The following BNC2 variants were observed in gnomAD, a reference collection of about 807,000 sequenced individuals.
BNC2 encodes zinc finger protein basonuclin-2.
BNC2 carries 20 observed loss-of-function variants against 76.3 expected under a neutral mutation model. The ratio of observed to expected loss-of-function variants is 0.26; its 90% CI spans 0.18 to 0.38. BNC2 has a LOEUF of 0.38. BNC2 is among the 10% of genes least tolerant of loss of function. The pLI, the probability that BNC2 is intolerant of heterozygous loss-of-function variation, is 1.00. For synonymous variants in BNC2, 582 were observed against 514.8 expected, an observed-to-expected ratio of 1.13 and a Z score of -1.77; for missense variants, 1,382 against 1,399.8, an observed-to-expected ratio of 0.99 and a Z score of 0.20.
chr9:16,863,841 T>C (rs550001360), intron 1 of BNC2, among the ~76,000 whole-genome samples: 1 of 152,290 alleles, frequency 6.6e-6, no homozygotes, highest in South Asian at 2.1e-4. Flanking sequence ...CCAAAAGAGT[T>C]TGGAAAACTG....
chr9:16,772,106 C>G (rs1422489193), intron 1 of BNC2, among the ~76,000 whole-genome samples: 1 of 152,124 alleles, frequency 6.6e-6, no homozygotes, highest in African/African-American at 2.4e-5. Flanking sequence ...ACAGGTTTTT[C>G]CTTTATTTCT....
intron 5 of BNC2, among the ~76,000 whole-genome samples, chr9:16,551,205 C>T (rs1818652111): frequency 6.6e-6 from 1 of 152,192 alleles, no homozygotes; most frequent in African/African-American, 2.4e-5. Context: ...GCCAAATTTT[C>T]TGTGTCTTCC....
At chr9:16,609,199 A>G (rs182179356) in intron 3 of BNC2, among the ~76,000 whole-genome samples, 84 of 152,336 alleles carry the variant, frequency 5.5e-4, no homozygotes, top group African/African-American at 1.8e-3. Flanking sequence ...CAAAAGTCTC[A>G]GACATGAAAT....
At chr9:16,669,171 T>G (rs1822394212) in intron 3 of BNC2, among the ~76,000 whole-genome samples, 1 of 152,224 alleles carries the variant, frequency 6.6e-6, no homozygotes, top group Non-Finnish European at 1.5e-5. Flanking sequence ...CATAATATTG[T>G]ACGTATTGAT....
At chr9:16,586,956 A>C (rs532461498) in intron 3 of BNC2, among the ~76,000 whole-genome samples, 1 of 152,304 alleles carries the variant, frequency 6.6e-6, no homozygotes, top group Non-Finnish European at 1.5e-5. Flanking sequence ...GTAAATTATT[A>C]CCTGTTATAA....
chr9:16,488,105 T>C (rs1822203713), intron 5 of BNC2, among the ~76,000 whole-genome samples: 1 of 152,182 alleles, frequency 6.6e-6, no homozygotes, highest in South Asian at 2.1e-4. Context: ...AAAGGCACCG[T>C]TTCCCCTCGC....
At chr9:16,825,189 C>A (rs1586914222) in intron 1 of BNC2, among the ~76,000 whole-genome samples, 1 of 152,098 alleles carries the variant, frequency 6.6e-6, no homozygotes, top group Non-Finnish European at 1.5e-5. Context: ...AATGCAACCA[C>A]TTTTCAAAGA....
chr9:16,525,835 A>G (rs1156582760), intron 5 of BNC2, among the ~76,000 whole-genome samples: 1 of 152,228 alleles, frequency 6.6e-6, no homozygotes, highest in Non-Finnish European at 1.5e-5. Flanking sequence ...GACTATTTCT[A>G]GAACTATACC....
intron 1 of BNC2, among the ~76,000 whole-genome samples, chr9:16,751,698 A>ATATATATGTATGTGTGTG (rs1563927032): frequency 5.7e-5 from 8 of 140,256 alleles, no homozygotes; most frequent in Non-Finnish European, 1.1e-4. Context: ...GTGTGTATAT[A>ATATATATGTATGTGTGTG]TATATATATG....
chr9:16,545,858 G>T (rs1284286279), intron 5 of BNC2, among the ~76,000 whole-genome samples: 1 of 152,086 alleles, frequency 6.6e-6, no homozygotes, highest in African/African-American at 2.4e-5. Flanking sequence ...CGAGAAAATG[G>T]CAGAGCCATA....
chr9:16,738,715 T>C (rs1394330732), intron 1 of BNC2, among the ~76,000 whole-genome samples: 1 of 152,216 alleles, frequency 6.6e-6, no homozygotes, highest in Admixed American at 6.5e-5. Context: ...TGATTGATAA[T>C]GGATACACTT....
chr9:16,712,689 G>C (rs745845118), intron 3 of BNC2, among the ~76,000 whole-genome samples: 1 of 152,128 alleles, frequency 6.6e-6, no homozygotes, highest in Non-Finnish European at 1.5e-5. Context: ...GATCCCTTTT[G>C]AAAATACACT....
chr9:16,557,858 G>GTTGT (rs1019814529), intron 4 of BNC2, among the ~76,000 whole-genome samples: 2 of 150,328 alleles, frequency 1.3e-5, no homozygotes, highest in Non-Finnish European at 3.0e-5. Flanking sequence ...TTTTTTTGTT[G>GTTGT]TTGTTTGTTT....
chr9:16,431,973 G>T (rs1372651249), intron 6 of BNC2, among the ~76,000 whole-genome samples: 1 of 152,188 alleles, frequency 6.6e-6, no homozygotes, highest in Non-Finnish European at 1.5e-5. Context: ...AACAGGCCAT[G>T]GACCAGTACT....
chr9:16,487,164 T>A (rs1175358531), intron 5 of BNC2, among the ~76,000 whole-genome samples: 4 of 152,180 alleles, frequency 2.6e-5, no homozygotes, highest in Non-Finnish European at 5.9e-5. Context: ...CTGAGTCAGT[T>A]TACTTGAAGA....
chr9:16,778,027 GAATA>G (rs1288217998), intron 1 of BNC2, among the ~76,000 whole-genome samples: 1 of 152,144 alleles, frequency 6.6e-6, no homozygotes, highest in Non-Finnish European at 1.5e-5. Context: ...GATGTGTATA[GAATA>G]AAGACTAGAA....
chr9:16,586,475 C>A (rs1819774328), intron 3 of BNC2, among the ~76,000 whole-genome samples: 1 of 152,136 alleles, frequency 6.6e-6, no homozygotes, highest in African/African-American at 2.4e-5. Context: ...GTTCTCATCC[C>A]ATCTGGTCCT....
chr9:16,524,116 C>G (rs1351332684), intron 5 of BNC2, among the ~76,000 whole-genome samples: 1 of 149,742 alleles, frequency 6.7e-6, no homozygotes, highest in Non-Finnish European at 1.5e-5. Flanking sequence ...GGGGTGAGAA[C>G]ACCATGCATG....
chr9:16,730,217 C>T (rs897009619), intron 2 of BNC2, among the ~76,000 whole-genome samples: 1 of 152,092 alleles, frequency 6.6e-6, no homozygotes, highest in African/African-American at 2.4e-5. Context: ...CCCCGTGGAC[C>T]GGGCCATGTC....
Sources: gnomAD v4.1 joint callset for allele counts (sites outside exome capture counted in the v4.1 genomes callset) on GRCh38, gnomAD v4.1.1 for gene constraint, MANE v1.5 for transcripts, NCBI Gene and HGNC (gene_info 2026-07-23, HGNC 2026-07-21) for gene names.